The following TUBA4B variants were observed in gnomAD, a reference collection of about 807,000 sequenced individuals.
TUBA4B encodes tubulin alpha 4b.
TUBA4B carries 13 observed loss-of-function variants against 18.4 expected under a neutral mutation model. That is an observed-to-expected ratio of 0.71 (90% confidence interval 0.46 to 1.12). The LOEUF (loss-of-function observed/expected upper bound fraction) is 1.12. Ranked by LOEUF, TUBA4B falls within the 50% of genes most tolerant of loss-of-function variation. The pLI, the probability that TUBA4B is intolerant of heterozygous loss-of-function variation, is 0.00. For missense variants in TUBA4B, 244 were observed against 250.0 expected (o/e 0.98, Z 0.16); for synonymous variants, 101 against 99.1 (o/e 1.02, Z -0.11).
At chr2:219,267,540 G>T (rs1344247643) in intron 2 of TUBA4B, among the ~76,000 whole-genome samples, 1 of 151,996 alleles carries the variant, frequency 6.6e-6, no homozygotes, top group Non-Finnish European at 1.5e-5. Context: ...GGGGGTTTGA[G>T]GCCAGGTCTG....
chr2:219,253,360 G>GGT lies in TUBA4B; in HGVS notation c.-47_-46insTG. ...GACGCGGGGTGCTGAGTCACGGGGGGGGGGTGGTTCTGTGGATAGTTGGAA... is the reference window on the plus strand; with the variant it reads ...GACGCGGGGTGCTGAGTCACGGGGGGGTGGGGTGGTTCTGTGGATAGTTGGAA... On this transcript the variant is annotated 5_prime_UTR_variant, in exon 1 of 4. Coordinates refer to ENST00000490341, the MANE Select transcript of TUBA4B (RefSeq NM_001355221.1). The GGT allele has an allele frequency of 6.5e-7, 1 of 1,533,846 alleles. No individual in the cohort carries two copies. The highest frequency in any genetic ancestry group is 1.2e-5 in the South Asian group (1 of 83,908).
At position 219,253,289 on chromosome 2, in the gene TUBA4B, T is replaced by G; in HGVS notation, c.-119T>G. 6.6e-7 allele frequency: 1 copy of G among 1,508,004 alleles called. No individual in the cohort carries two copies. The highest frequency in any genetic ancestry group is 8.8e-7 in the Non-Finnish European group (1 of 1,129,994). The allele number at this position is 1,508,004 out of a possible 1,614,324, so 93.4% of individuals were successfully genotyped here. On this transcript the variant is annotated 5_prime_UTR_variant, in exon 1 of 4. Transcript: ENST00000490341. Reference sequence around the variant, plus strand: ...CGGGCTTCGGCTGGAGAGGGCCAGCTCGCTTCAGGAGGCCGAACCCCGTTC... The same window carrying G: ...CGGGCTTCGGCTGGAGAGGGCCAGCGCGCTTCAGGAGGCCGAACCCCGTTC...
Position 219,271,157 on chromosome 2 carries a change from C to A in TUBA4B, c.193-9C>A. ...ATGCCCCACATTTCCCCTCCCCTTC[C>A]CTGTCTAGGCTGACCAGTGCACAGG... On this transcript the variant is annotated splice_polypyrimidine_tract_variant and intron_variant, in intron 3 of 3. Transcript: ENST00000490341. 4.7e-6 allele frequency: 4 copies of A among 845,450 alleles called. No individual in the cohort carries two copies. In the Middle Eastern group the frequency reaches 6.6e-4, roughly 140 times the overall value. The allele number at this position is 845,450 out of a possible 1,614,324, so 52.4% of individuals were successfully genotyped here.
intron 1 of TUBA4B, among the ~76,000 whole-genome samples, chr2:219,255,310 C>T (rs1291941224): frequency 6.6e-6 from 1 of 152,250 alleles, no homozygotes; most frequent in African/African-American, 2.4e-5. Flanking sequence ...ACGATTTCGG[C>T]TCACCTCAAC....
chr2:219,270,306 G>C lies in TUBA4B; in HGVS notation c.163G>C (p.Asp55His), dbSNP rs532218261. The C allele has an allele frequency of 2.7e-6, 2 of 753,280 alleles. No homozygotes were observed. Among genetic ancestry groups the C allele is most frequent in the Admixed American group, 1.8e-5 (1 of 55,626 alleles). 46.7% of individuals were successfully genotyped at this position (753,280 alleles called of 1,614,324 possible). The stretch of plus-strand genomic sequence containing the variant: ...CTACACCATTGGGAAGGAGTTCATC[G>C]ACCTGCTACTGGACCGGATTCGGAA... ...GHYTIGKEFI[D>H]LLLDRIRKLA... Residue 55 changes from aspartate to histidine, a missense_variant, in exon 3 of 4, where the codon GAC becomes CAC. Physicochemically the swap from Asp to His is moderately conservative, Grantham distance 81. Coordinates refer to ENST00000490341, the MANE Select transcript of TUBA4B (RefSeq NM_001355221.1).
chr2:219,253,956 G>GA, intron 1 of TUBA4B: 1 of 1,182,572 alleles, frequency 8.5e-7, no homozygotes, highest in Non-Finnish European at 1.1e-6. Flanking sequence ...TAGGCGGGGG[G>GA]GGGGCGGGGC....
At chr2:219,264,950 G>T (rs1471375623) in intron 1 of TUBA4B, among the ~76,000 whole-genome samples, 2 of 152,172 alleles carry the variant, frequency 1.3e-5, no homozygotes, top group African/African-American at 4.8e-5. Context: ...CCACTGTTTA[G>T]CTGGGTGAGT....
At chr2:219,256,942 T>C (rs1278926974) in intron 1 of TUBA4B, among the ~76,000 whole-genome samples, 1 of 151,712 alleles carries the variant, frequency 6.6e-6, no homozygotes, top group Admixed American at 6.6e-5. Context: ...GGGCAGCCTC[T>C]AGAAGATGGA....
intron 1 of TUBA4B, 170 bp from the exon 2 acceptor site, chr2:219,266,351 G>C: frequency 1.7e-6 from 1 of 581,244 alleles, no homozygotes; most frequent in Non-Finnish European, 3.1e-6. Flanking sequence ...CCCTGTTTGG[G>C]TGCAGGCCCA....
rs775075391 is a variant in TUBA4B at position 219,253,407 on chromosome 2, G to T, written c.-1G>T. Reference sequence around the variant, plus strand: ...GGAATGCATACACAGAGGAAAGGGGGATGCGGCACCAGGTAACCTGACCCC... The same window carrying T: ...GGAATGCATACACAGAGGAAAGGGGTATGCGGCACCAGGTAACCTGACCCC... On this transcript the variant is annotated 5_prime_UTR_variant, in exon 1 of 4. Coordinates refer to ENST00000490341, the MANE Select transcript of TUBA4B (RefSeq NM_001355221.1). The T allele has an allele frequency of 2.8e-5, 43 of 1,529,702 alleles. No homozygotes were observed. The highest frequency in any genetic ancestry group is 3.5e-5 in the Non-Finnish European group (40 of 1,141,140). 94.8% of individuals were successfully genotyped at this position (1,529,702 alleles called of 1,614,324 possible). A position where few individuals can be genotyped will look rare whatever the true frequency, so the allele number is the denominator to read the frequency against.
At chr2:219,269,819 G>A (rs1307070556) in intron 2 of TUBA4B, among the ~76,000 whole-genome samples, 1 of 152,108 alleles carries the variant, frequency 6.6e-6, no homozygotes. Context: ...GCCCCAGGCG[G>A]TGTTTGTGGA....
chr2:219,266,473 G>A (rs1374810832), intron 1 of TUBA4B, 48 bp from the exon 2 acceptor site: 2 of 688,496 alleles, frequency 2.9e-6, no homozygotes, highest in East Asian at 5.4e-5. Context: ...GAGGCTGGCT[G>A]GCCGCTGCAG....
At chr2:219,268,193 C>G (rs1241525707) in intron 2 of TUBA4B, among the ~76,000 whole-genome samples, 1 of 151,058 alleles carries the variant, frequency 6.6e-6, no homozygotes, top group Non-Finnish European at 1.5e-5. Flanking sequence ...ACTGCAACCT[C>G]CACCTTCTGG....
At chr2:219,268,076 G>A (rs1951800995) in intron 2 of TUBA4B, among the ~76,000 whole-genome samples, 1 of 148,572 alleles carries the variant, frequency 6.7e-6, no homozygotes, top group South Asian at 2.1e-4. Context: ...GATTTCTCCT[G>A]TCCTTGAGGT....
chr2:219,256,082 C>A (rs1300771512), intron 1 of TUBA4B, among the ~76,000 whole-genome samples: 2 of 152,186 alleles, frequency 1.3e-5, no homozygotes, highest in African/African-American at 2.4e-5. Flanking sequence ...GCAGACCCTC[C>A]CTGAACCTCT....
At chr2:219,261,510 T>C (rs1358194174) in intron 1 of TUBA4B, among the ~76,000 whole-genome samples, 1 of 152,192 alleles carries the variant, frequency 6.6e-6, no homozygotes, top group East Asian at 1.9e-4. Context: ...CTCAAGCAAG[T>C]GCAAGGGTGA....
chr2:219,271,254 A>T lies in TUBA4B; in HGVS notation c.281A>T (p.Glu94Val). The T allele has an allele frequency of 1.5e-6, 2 of 1,364,430 alleles. No homozygotes were observed. Among genetic ancestry groups the T allele is most frequent in the Middle Eastern group, 1.8e-4 (1 of 5,596 alleles). The allele number at this position is 1,364,430 out of a possible 1,614,324, so 84.5% of individuals were successfully genotyped here. Residue 94 changes from glutamate to valine, a missense_variant, in exon 4 of 4, where the codon GAG becomes GTG. By Grantham distance (121) the Glu-to-Val change is moderately radical. Coordinates refer to ENST00000490341, the MANE Select transcript of TUBA4B (RefSeq NM_001355221.1). ...TGSDVTSFLM[E>V]WLSVNYGKKS... ...TCTGACGTCACCTCATTCCTGATGG[A>T]GTGGCTTTCTGTTAACTATGGCAAG...
chr2:219,253,746 T>C lies in TUBA4B; in HGVS notation c.12+327T>C, dbSNP rs549295632. 5,351 of 1,356,492 alleles carry C rather than the reference T, an allele frequency of 3.9e-3. 16 individuals are homozygous for C. Among genetic ancestry groups the C allele is most frequent in the South Asian group, 5.6e-3 (423 of 75,396 alleles). 84.0% of individuals were successfully genotyped at this position (1,356,492 alleles called of 1,614,324 possible). A position where few individuals can be genotyped will look rare whatever the true frequency, so the allele number is the denominator to read the frequency against. On this transcript the variant is annotated intron_variant, in intron 1 of 3. Coordinates refer to ENST00000490341, the MANE Select transcript of TUBA4B (RefSeq NM_001355221.1). ...GAGGATGCAAAACCCTCGCACCTCCTGGAGACCCGGAACGCCCGGTGGAGG... is the reference window on the plus strand; with the variant it reads ...GAGGATGCAAAACCCTCGCACCTCCCGGAGACCCGGAACGCCCGGTGGAGG...
At chr2:219,256,988 G>T (rs2125073529) in intron 1 of TUBA4B, among the ~76,000 whole-genome samples, 1 of 149,340 alleles carries the variant, frequency 6.7e-6, no homozygotes, top group South Asian at 2.1e-4. Context: ...AGAATTTCCA[G>T]AAGGAAGGCA....
Sources: allele counts gnomAD v4.1 joint callset (sites outside exome capture counted in the v4.1 genomes callset), GRCh38; gene constraint gnomAD v4.1.1; transcripts MANE v1.5; gene names NCBI Gene and HGNC (gene_info 2026-07-23, HGNC 2026-07-21).